Variants in MCUB observed in about 807,000 individuals in gnomAD.
MCUB encodes the protein calcium uniporter regulatory subunit MCUb, mitochondrial.
Under a neutral mutation model 41.4 loss-of-function variants are expected in MCUB, and 46 were observed. The observed-to-expected ratio is 1.11, with a 90% CI of 0.88 to 1.42. The LOEUF (loss-of-function observed/expected upper bound fraction) is 1.42, where lower values mean the gene tolerates loss of function less well. MCUB is among the 40% of genes most tolerant of loss of function. The pLI is 0.00. For missense variants in MCUB, 403 were observed against 404.9 expected, an observed-to-expected ratio of 1.00 and a Z score of 0.04; for synonymous variants, 148 against 148.2, an observed-to-expected ratio of 1.00 and a Z score of 0.01.
chr4:109,653,381 G>GA (rs553404252), intron 1 of MCUB, among the ~76,000 whole-genome samples: 15,463 of 132,950 alleles, frequency 0.12, 999 homozygotes, highest in South Asian at 0.23. Flanking sequence ...CCCGTCTTAA[G>GA]AAAAAAAAAA....
intron 1 of MCUB, among the ~76,000 whole-genome samples, chr4:109,625,228 G>T (rs935792084): frequency 5.9e-5 from 9 of 152,080 alleles, no homozygotes; most frequent in African/African-American, 2.2e-4. Context: ...AACAAGTATC[G>T]ATGCCCCAGT....
At position 109,678,947 on chromosome 4, in the gene MCUB, G is replaced by T. The variant is rs145163463; in HGVS notation, c.452-3635G>T. On this transcript the variant is annotated intron_variant, in intron 4 of 7. Coordinates refer to ENST00000394650, the MANE Select transcript of MCUB (RefSeq NM_017918.5). ...CCTCACATCCCAGACAGGGTGGCCG[G>T]GCAGAGGCGCTCCTCACTTCCCATT... Among the ~76,000 whole-genome samples the T allele has an allele frequency of 3.6e-3, 535 of 149,578 alleles. 15 individuals carry two copies. The South Asian group carries it at 0.059, about 16-fold the overall frequency.
intron 1 of MCUB, among the ~76,000 whole-genome samples, chr4:109,574,223 T>G (rs568453304): frequency 2.6e-5 from 4 of 152,270 alleles, no homozygotes; most frequent in Admixed American, 2.6e-4. Flanking sequence ...TTCAAATATC[T>G]GAGATGGTAT....
intron 4 of MCUB, among the ~76,000 whole-genome samples, chr4:109,677,895 G>A (rs1221961598): frequency 7.0e-6 from 1 of 143,560 alleles, no homozygotes; most frequent in Admixed American, 7.1e-5. Flanking sequence ...TAGGATAATA[G>A]TGGAGAGAAG....
At chr4:109,638,426 A>C (rs1026738131) in intron 1 of MCUB, among the ~76,000 whole-genome samples, 1 of 151,898 alleles carries the variant, frequency 6.6e-6, no homozygotes, top group Non-Finnish European at 1.5e-5. Context: ...AAAAAAAAAA[A>C]AAACCATACA....
chr4:109,661,852 G>A (rs1729238557), intron 3 of MCUB, among the ~76,000 whole-genome samples: 1 of 152,148 alleles, frequency 6.6e-6, no homozygotes, highest in East Asian at 1.9e-4. Flanking sequence ...GGCCAACATA[G>A]CAAAACCCCT....
At position 109,560,262 on chromosome 4, in the gene MCUB, A is replaced by T; in HGVS notation, c.-76A>T. On this transcript the variant is annotated 5_prime_UTR_variant, in exon 1 of 8. Transcript: ENST00000394650. ...GGAGCGCCCACAGCTCGGAGCCACC[A>T]GGCGCTGACGAGGAGCCCGGCTGAG... The T allele has an allele frequency of 1.4e-6, 1 of 709,876 alleles. No homozygotes were observed. The highest frequency in any genetic ancestry group is 4.6e-4 in the Middle Eastern group (1 of 2,184). 44.0% of individuals were successfully genotyped at this position (709,876 alleles called of 1,614,324 possible).
intron 1 of MCUB, among the ~76,000 whole-genome samples, chr4:109,628,135 C>T (rs1300447977): frequency 1.3e-5 from 2 of 151,900 alleles, no homozygotes; most frequent in Non-Finnish European, 1.5e-5. Flanking sequence ...AACATTTGAG[C>T]GAGTTCTGAA....
intron 1 of MCUB, among the ~76,000 whole-genome samples, chr4:109,578,339 T>C (rs1031269776): frequency 1.3e-5 from 2 of 152,216 alleles, no homozygotes; most frequent in African/African-American, 4.8e-5. Context: ...AAATATTTTC[T>C]GTATGTACAA....
intron 1 of MCUB, among the ~76,000 whole-genome samples, chr4:109,629,759 TGC>T (rs1728435061): frequency 6.6e-6 from 1 of 152,264 alleles, no homozygotes; most frequent in Admixed American, 6.5e-5. Context: ...TCTCTGGGGA[TGC>T]CATTCCCCCG....
intron 5 of MCUB, among the ~76,000 whole-genome samples, chr4:109,684,118 A>G (rs914281739): frequency 7.1e-6 from 1 of 141,780 alleles, no homozygotes; most frequent in Non-Finnish European, 1.5e-5. Context: ...GCTGGAGTGC[A>G]GTGGAGTGAT....
intron 4 of MCUB, among the ~76,000 whole-genome samples, chr4:109,664,868 T>C (rs1000027132): frequency 2.0e-5 from 3 of 152,088 alleles, no homozygotes; most frequent in African/African-American, 7.2e-5. Flanking sequence ...TTAACCGACA[T>C]TATTGGGTTA....
intron 4 of MCUB, among the ~76,000 whole-genome samples, chr4:109,668,637 A>G (rs573243226): frequency 6.6e-6 from 1 of 150,976 alleles, no homozygotes; most frequent in African/African-American, 2.4e-5. Flanking sequence ...TGACATTCAA[A>G]TTGATTACTG....
chr4:109,663,896 A>C (rs1729280994), intron 3 of MCUB, among the ~76,000 whole-genome samples: 1 of 151,064 alleles, frequency 6.6e-6, no homozygotes, highest in Non-Finnish European at 1.5e-5. Flanking sequence ...TAACCACCTG[A>C]TGAGCTCTGC....
chr4:109,640,379 A>C (rs117635848), intron 1 of MCUB, among the ~76,000 whole-genome samples: 1 of 152,316 alleles, frequency 6.6e-6, no homozygotes, highest in African/African-American at 2.4e-5. Flanking sequence ...GACACCAGGC[A>C]TTGACTTTTC....
chr4:109,578,245 AATAT>A (rs1727078566), intron 1 of MCUB, among the ~76,000 whole-genome samples: 1 of 152,218 alleles, frequency 6.6e-6, no homozygotes, highest in African/African-American at 2.4e-5. Flanking sequence ...CTCATAAACC[AATAT>A]ATGGGAATAT....
intron 1 of MCUB, among the ~76,000 whole-genome samples, chr4:109,584,900 T>C (rs197235): frequency 0.59 from 89,384 of 152,002 alleles, 26,585 homozygotes; most frequent in South Asian, 0.67. Context: ...GTAAGTGTGA[T>C]GTGGTTCTGA....
Position 109,618,185 on chromosome 4 carries a change from C to A in MCUB, c.100-40826C>A, listed in dbSNP as rs117753450. ...GTTTGCTGAGCCTGTATACCCAGTGCAGCATTGGAGGACTGTGGAGTTAAT... is the reference window on the plus strand; with the variant it reads ...GTTTGCTGAGCCTGTATACCCAGTGAAGCATTGGAGGACTGTGGAGTTAAT... On this transcript the variant is annotated intron_variant, in intron 1 of 7. Coordinates refer to ENST00000394650, the MANE Select transcript of MCUB (RefSeq NM_017918.5). Among the ~76,000 whole-genome samples the A allele has an allele frequency of 4.7e-4, 72 of 152,334 alleles. No individual in the cohort carries two copies. In the East Asian group the frequency reaches 0.011, roughly 23 times the overall value.
At position 109,682,762 on chromosome 4, in the gene MCUB, G is replaced by T; in HGVS notation, c.612+20G>T. On this transcript the variant is annotated intron_variant, in intron 5 of 7. Coordinates refer to ENST00000394650, the MANE Select transcript of MCUB (RefSeq NM_017918.5). ...GAACAGGTTAGGAAGCATCACGGTT[G>T]AGTATATTTGAAAATAATACCTAGT... The T allele has an allele frequency of 1.3e-6, 2 of 1,585,864 alleles. No homozygotes were observed. Among genetic ancestry groups the T allele is most frequent in the South Asian group, 2.3e-5 (2 of 86,784 alleles).
Sources: allele counts gnomAD v4.1 joint callset (sites outside exome capture counted in the v4.1 genomes callset), GRCh38; gene constraint gnomAD v4.1.1; transcripts MANE v1.5; gene names NCBI Gene and HGNC (gene_info 2026-07-23, HGNC 2026-07-21).